CEP128: variants seen among roughly 807,000 people sequenced by gnomAD.
CEP128 encodes centrosomal protein 128, also known as centrosomal protein 128kDa.
Under a neutral mutation model 156.7 loss-of-function variants are expected in CEP128, and 132 were observed. The ratio of observed to expected loss-of-function variants is 0.84; its 90% CI spans 0.73 to 0.97. The LOEUF (loss-of-function observed/expected upper bound fraction) is 0.97, where lower values mean the gene tolerates loss of function less well. Ranked by LOEUF, CEP128 falls within the 50% of genes least tolerant of loss-of-function variation. CEP128 has a pLI of 0.00. For missense variants in CEP128, 1,252 were observed against 1,281.9 expected (o/e 0.98, Z 0.36); for synonymous variants, 469 against 448.9 (o/e 1.04, Z -0.57).
At chr14:80,574,466 T>C (rs1243837461) in intron 20 of CEP128, among the ~76,000 whole-genome samples, 1 of 152,172 alleles carries the variant, frequency 6.6e-6, no homozygotes, top group Non-Finnish European at 1.5e-5. Flanking sequence ...ACGGTTTCCT[T>C]ACCAGGAGGA....
At chr14:80,898,626 T>C (rs1293514075) in intron 7 of CEP128, among the ~76,000 whole-genome samples, 3 of 152,204 alleles carry the variant, frequency 2.0e-5, no homozygotes, top group Non-Finnish European at 4.4e-5. Flanking sequence ...ATGTTCCCAG[T>C]GCTTAATGTA....
At chr14:80,657,052 G>A (rs1839994014) in intron 19 of CEP128, among the ~76,000 whole-genome samples, 2 of 152,104 alleles carry the variant, frequency 1.3e-5, no homozygotes, top group Admixed American at 1.3e-4. Flanking sequence ...GAAGTCAGGT[G>A]TTCAAGACCA....
intron 7 of CEP128, among the ~76,000 whole-genome samples, chr14:80,897,950 T>C (rs1227517891): frequency 6.6e-6 from 1 of 152,144 alleles, no homozygotes; most frequent in Non-Finnish European, 1.5e-5. Context: ...GTTAATTGTT[T>C]TGTATTTTTA....
intron 2 of CEP128, among the ~76,000 whole-genome samples, chr14:80,929,289 C>T (rs1269876236): frequency 2.6e-5 from 4 of 152,166 alleles, no homozygotes; most frequent in African/African-American, 7.2e-5. Flanking sequence ...ATCAGTACAA[C>T]CTCTATGGAA....
intron 24 of CEP128, among the ~76,000 whole-genome samples, chr14:80,501,642 C>T (rs1887740115): frequency 6.6e-6 from 1 of 151,874 alleles, no homozygotes; most frequent in Non-Finnish European, 1.5e-5. Flanking sequence ...GTAGCTGGGA[C>T]TACAGGCACC....
chr14:80,510,302 A>G (rs1252775483), intron 23 of CEP128, among the ~76,000 whole-genome samples: 1 of 151,938 alleles, frequency 6.6e-6, no homozygotes, highest in Non-Finnish European at 1.5e-5. Context: ...TTCTTATATC[A>G]ATGTTTTATA....
Position 80,599,612 on chromosome 14 carries a change from A to G in CEP128, c.2807-19189T>C, listed in dbSNP as rs140577593. 5.6e-3 allele frequency among the ~76,000 whole-genome samples: 856 copies of G among 152,088 alleles called. 6 individuals are homozygous for G. Among genetic ancestry groups the G allele is most frequent in the African/African-American group, 0.02 (818 of 41,492 alleles). ...TTTTTCTAGACTACTGCAGTTATCC[A>G]TATTTCTAAAGCAAAGTATATAGTT... On this transcript the variant is annotated intron_variant, in intron 19 of 24. Coordinates refer to ENST00000555265, the MANE Select transcript of CEP128 (RefSeq NM_152446.5).
chr14:80,925,451 C>A (rs1179376587), intron 2 of CEP128, among the ~76,000 whole-genome samples: 2 of 152,186 alleles, frequency 1.3e-5, no homozygotes, highest in Non-Finnish European at 2.9e-5. Flanking sequence ...TCCCAGTAAT[C>A]AATGAATTGC....
At chr14:80,768,955 A>C (rs552454608) in intron 16 of CEP128, among the ~76,000 whole-genome samples, 111 of 152,198 alleles carry the variant, frequency 7.3e-4, no homozygotes, top group Non-Finnish European at 1.1e-3. Context: ...AATACCTTCT[A>C]AATGATACTT....
chr14:80,578,607 C>G (rs910584643), intron 20 of CEP128, among the ~76,000 whole-genome samples: 3 of 152,008 alleles, frequency 2.0e-5, no homozygotes, highest in Middle Eastern at 3.2e-3. Context: ...CCAAGGTTAC[C>G]CAGTGAACCA....
chr14:80,563,787 G>A (rs1287311621), intron 20 of CEP128, among the ~76,000 whole-genome samples: 10 of 151,910 alleles, frequency 6.6e-5, no homozygotes, highest in South Asian at 4.2e-4. Flanking sequence ...CGCCTGCCTC[G>A]GCCTCCCAAA....
At chr14:80,866,672 A>G (rs1012608859) in intron 8 of CEP128, among the ~76,000 whole-genome samples, 1 of 152,240 alleles carries the variant, frequency 6.6e-6, no homozygotes, top group Admixed American at 6.5e-5. Flanking sequence ...GTCTGGAAGA[A>G]GTGCCTGCTT....
At chr14:80,534,873 C>T (rs1202021450) in intron 21 of CEP128, among the ~76,000 whole-genome samples, 1 of 147,552 alleles carries the variant, frequency 6.8e-6, no homozygotes, top group Admixed American at 6.8e-5. Flanking sequence ...TCAATAATGT[C>T]ACCAGCATAT....
At chr14:80,798,908 G>GA (rs948719791) in intron 13 of CEP128, among the ~76,000 whole-genome samples, 1 of 152,144 alleles carries the variant, frequency 6.6e-6, no homozygotes, top group African/African-American at 2.4e-5. Context: ...AACATACATT[G>GA]AAAATGGAAA....
At chr14:80,593,039 T>C (rs1174989305) in intron 19 of CEP128, among the ~76,000 whole-genome samples, 1 of 152,086 alleles carries the variant, frequency 6.6e-6, no homozygotes, top group Non-Finnish European at 1.5e-5. Context: ...CCACAGACAA[T>C]ATCATACTGA....
chr14:80,553,747 G>A (rs1241452642), intron 21 of CEP128, among the ~76,000 whole-genome samples: 1 of 152,118 alleles, frequency 6.6e-6, no homozygotes, highest in Non-Finnish European at 1.5e-5. Flanking sequence ...TTGCTTGGAG[G>A]TAGAAGTAAA....
At chr14:80,748,097 C>G (rs1476104024) in intron 18 of CEP128, among the ~76,000 whole-genome samples, 1 of 152,158 alleles carries the variant, frequency 6.6e-6, no homozygotes, top group South Asian at 2.1e-4. Context: ...TAAAATTACA[C>G]CTCTATGAAT....
At chr14:80,537,444 T>C (rs1889534838) in intron 21 of CEP128, among the ~76,000 whole-genome samples, 1 of 152,152 alleles carries the variant, frequency 6.6e-6, no homozygotes, top group Non-Finnish European at 1.5e-5. Context: ...ATTGTCTTCT[T>C]TCATATCATT....
At chr14:80,666,492 T>C (rs1268167661) in intron 19 of CEP128, among the ~76,000 whole-genome samples, 2 of 152,156 alleles carry the variant, frequency 1.3e-5, no homozygotes, top group Admixed American at 6.5e-5. Flanking sequence ...TCAGAACCAG[T>C]ATTTCTTGAA....
Sources: allele counts gnomAD v4.1 joint callset (sites outside exome capture counted in the v4.1 genomes callset), GRCh38; gene constraint gnomAD v4.1.1; transcripts MANE v1.5; gene names NCBI Gene and HGNC (gene_info 2026-07-23, HGNC 2026-07-21).